The following ARID1B variants were observed in gnomAD, a reference collection of about 807,000 sequenced individuals.
ARID1B encodes AT-rich interaction domain 1B.
In ARID1B, 30 loss-of-function variants were observed where a neutral mutation model predicts 212.3. The ratio of observed to expected loss-of-function variants is 0.14; its 90% CI spans 0.11 to 0.19. The LOEUF is 0.19. Ranked by LOEUF, ARID1B falls within the 10% of genes least tolerant of loss-of-function variation. The pLI is 1.00. For synonymous variants in ARID1B, 1,402 were observed against 1,301.7 expected (o/e 1.08, Z -1.66); for missense variants, 2,891 against 3,204.0 (o/e 0.90, Z 2.36).
At chr6:157,096,927 G>A (rs902609134) in intron 5 of ARID1B, among the ~76,000 whole-genome samples, 1 of 152,242 alleles carries the variant, frequency 6.6e-6, no homozygotes. Flanking sequence ...AGTGAAGCAA[G>A]GTAAGCAGGT....
chr6:156,796,501 C>G (rs1254863064), intron 1 of ARID1B, among the ~76,000 whole-genome samples: 3 of 151,486 alleles, frequency 2.0e-5, no homozygotes, highest in African/African-American at 7.3e-5. Flanking sequence ...TATCTTTTGC[C>G]TAGAAAGCTA....
rs143939761 is a variant in ARID1B, at chr6:156,807,734, A to T, written c.1792-21493A>T. On this transcript the variant is annotated intron_variant, in intron 1 of 19. Transcript: ENST00000636930. ...CCTTACAGAAAGTTCCTTGGATCAC[A>T]CCACAGTGGTTCGACTTTTTGCTTT... 1.4e-3 allele frequency among the ~76,000 whole-genome samples: 215 copies of T among 152,344 alleles called. 5 individuals are homozygous for T. Among genetic ancestry groups the T allele is most frequent in the African/African-American group, 5.0e-3 (206 of 41,582 alleles).
intron 4 of ARID1B, among the ~76,000 whole-genome samples, chr6:156,965,447 A>C (rs1399087325): frequency 2.6e-5 from 4 of 152,188 alleles, no homozygotes; most frequent in African/African-American, 9.6e-5. Context: ...CACTTAAGAA[A>C]AGTCACTGTT....
chr6:157,207,709 C>T lies in ARID1B; in HGVS notation c.6937C>T (p.Pro2313Ser), dbSNP rs761917637. Residue 2313 changes from proline (P) to serine (S), a missense_variant, in exon 20 of 20, where the codon CCT becomes TCT. Pro to Ser is a moderately conservative substitution (Grantham distance 74). Around this residue, in one of 7 missense-constraint regions of ARID1B, gnomAD observed 187 missense variants for 306.5 expected, o/e 0.61. Transcript: ENST00000636930. The surrounding 1 kb of genome is among the most constrained non-coding windows in gnomAD (Gnocchi z 8.5). The part of the protein sequence containing the change: ...MHMQPPPLEP[P>S]SVDMMCRAAK... ...CATGCAGCCCCCGCCCCTGGAACCA[C>T]CTAGCGTAGACATGATGTGCAGGGC... The T allele has an allele frequency of 1.2e-6, 2 of 1,605,440 alleles. No individual in the cohort carries two copies. Among genetic ancestry groups the T allele is most frequent in the East Asian group, 4.5e-5 (2 of 44,612 alleles).
At chr6:156,977,663 C>T (rs184076237) in intron 4 of ARID1B, among the ~76,000 whole-genome samples, 1 of 152,068 alleles carries the variant, frequency 6.6e-6, no homozygotes, top group East Asian at 1.9e-4. Context: ...TGATTTTTCT[C>T]TTCATTTGGG....
upstream of ARID1B, chr6:156,777,229 G>C (rs1350106396): frequency 4.0e-5 from 6 of 151,280 alleles, no homozygotes; most frequent in South Asian, 1.1e-3. Context: ...CCCGGCCCCA[G>C]CCTTAGCCCA....
Position 156,829,394 on chromosome 6 carries a change from G to A in ARID1B, c.1959G>A (p.Met653Ile). 1 of 1,614,164 alleles carries A rather than the reference G, an allele frequency of 6.2e-7. No individual in the cohort carries two copies. Among genetic ancestry groups the A allele is most frequent in the Non-Finnish European group, 8.5e-7 (1 of 1,180,022 alleles). Reference protein sequence around the residue: ...IGIQGRTPGAMAGMQYPQQQM... With the variant: ...IGIQGRTPGAIAGMQYPQQQM... ...TCCAGGGTCGGACTCCCGGGGCCAT[G>A]GCCGGAATGCAGTACCCTCAGCAGC... The change falls in exon 2 of 20, where the codon ATG (methionine) becomes ATA (isoleucine). Residue 653 changes from methionine to isoleucine, a missense_variant. Coordinates refer to ENST00000636930, the MANE Select transcript of ARID1B (RefSeq NM_001374828.1).
At chr6:156,822,380 C>A (rs1782412485) in intron 1 of ARID1B, among the ~76,000 whole-genome samples, 2 of 152,206 alleles carry the variant, frequency 1.3e-5, no homozygotes, top group African/African-American at 4.8e-5. Context: ...GTCTGATGAT[C>A]GTGTATAGAC....
intron 4 of ARID1B, among the ~76,000 whole-genome samples, chr6:157,056,996 AGTT>A (rs1178120003): frequency 6.8e-6 from 1 of 147,280 alleles, no homozygotes; most frequent in African/African-American, 2.5e-5. Context: ...TTATTACCCC[AGTT>A]GTTTGAATTT....
At chr6:156,836,113 C>T (rs1783492277) in intron 2 of ARID1B, among the ~76,000 whole-genome samples, 1 of 152,136 alleles carries the variant, frequency 6.6e-6, no homozygotes, top group Non-Finnish European at 1.5e-5. Flanking sequence ...AATGAACCAA[C>T]CATATCCCTT....
chr6:157,203,611 C>A lies in ARID1B; in HGVS notation c.5264-255C>A. 1 of 460,298 alleles carries A rather than the reference C, an allele frequency of 2.2e-6. No individual in the cohort carries two copies. Among genetic ancestry groups the A allele is most frequent in the South Asian group, 2.4e-5 (1 of 42,508 alleles). 28.5% of individuals were successfully genotyped at this position (460,298 alleles called of 1,614,324 possible). A position where few individuals can be genotyped will look rare whatever the true frequency, so the allele number is the denominator to read the frequency against. ...TGAGAAAGGACCATCTGTGCTCAAC[C>A]ACTCCACCTCCAGAAGCACTTTCGG... On this transcript the variant is annotated intron_variant, in intron 18 of 19. Transcript: ENST00000636930. This position sits in a 1 kb window ranked among gnomAD's most constrained non-coding sequence, Gnocchi z 4.4.
At chr6:157,050,322 G>T (rs1342126276) in intron 4 of ARID1B, among the ~76,000 whole-genome samples, 2 of 152,110 alleles carry the variant, frequency 1.3e-5, no homozygotes, top group African/African-American at 4.8e-5. Flanking sequence ...GAGGCGGGTG[G>T]GTCATGAGGT....
chr6:156,916,583 A>G lies in ARID1B; in HGVS notation c.2136+15058A>G, dbSNP rs556598865. 1.5e-4 allele frequency among the ~76,000 whole-genome samples: 23 copies of G among 152,210 alleles called. No homozygotes were observed. The East Asian group carries it at 3.3e-3, about 22-fold the overall frequency. On this transcript the variant is annotated intron_variant, in intron 3 of 19. Coordinates refer to ENST00000636930, the MANE Select transcript of ARID1B (RefSeq NM_001374828.1). ...TATATAGAAGGGGAAAGCTCCTTCA[A>G]TGCTGTGGTTTAGTTTTTGTTTTGT... is the stretch of plus-strand genomic sequence containing the variant.
chr6:157,008,555 A>T (rs1054214256), intron 4 of ARID1B, among the ~76,000 whole-genome samples: 1 of 152,180 alleles, frequency 6.6e-6, no homozygotes, highest in Non-Finnish European at 1.5e-5. Flanking sequence ...CTTAACTCAG[A>T]CATCATTCTC....
At chr6:156,858,253 AAG>A (rs2128122901) in intron 2 of ARID1B, among the ~76,000 whole-genome samples, 1 of 152,158 alleles carries the variant, frequency 6.6e-6, no homozygotes, top group Non-Finnish European at 1.5e-5. Flanking sequence ...AGGGGGGATA[AAG>A]AGGGGATGGT....
At chr6:156,994,672 G>T (rs1228988776) in intron 4 of ARID1B, among the ~76,000 whole-genome samples, 1 of 152,152 alleles carries the variant, frequency 6.6e-6, no homozygotes, top group Non-Finnish European at 1.5e-5. Flanking sequence ...CATCCCCTGT[G>T]CTCTGCCTCC....
In ARID1B at chr6:157,207,992, A is replaced by T. The variant is rs1794594023; in HGVS notation, c.*101A>T. ...ATCCAGCGTAGGAAGAAGGAAAAGA[A>T]AATCTTTGCTCCTCTGCCCCATTCA... On this transcript the variant is annotated 3_prime_UTR_variant, in exon 20 of 20. Transcript: ENST00000636930. The surrounding 1 kb of genome is among the most constrained non-coding windows in gnomAD (Gnocchi z 8.5). The T allele has an allele frequency of 1.6e-6, 2 of 1,280,204 alleles. No individual in the cohort carries two copies. The highest frequency in any genetic ancestry group is 2.0e-6 in the Non-Finnish European group (2 of 982,272). The allele number at this position is 1,280,204 out of a possible 1,614,324, so 79.3% of individuals were successfully genotyped here.
At chr6:156,908,985 T>A (rs1360896455) in intron 3 of ARID1B, among the ~76,000 whole-genome samples, 1 of 152,048 alleles carries the variant, frequency 6.6e-6, no homozygotes, top group Non-Finnish European at 1.5e-5. Flanking sequence ...TTCCCATGTC[T>A]GCTGCCCTGT....
chr6:157,188,512 G>A (rs1486255858), intron 13 of ARID1B, among the ~76,000 whole-genome samples: 1 of 152,172 alleles, frequency 6.6e-6, no homozygotes, highest in East Asian at 1.9e-4. Context: ...AGAGTAAAAT[G>A]TGAATAATGG....
Sources: allele counts gnomAD v4.1 joint callset (sites outside exome capture counted in the v4.1 genomes callset), GRCh38; gene constraint gnomAD v4.1.1; regional missense constraint gnomAD v4.1.1; non-coding constraint Gnocchi (gnomAD v3.1); transcripts MANE v1.5; gene names NCBI Gene and HGNC (gene_info 2026-07-23, HGNC 2026-07-21).